FAM120A: variants seen among roughly 807,000 people sequenced by gnomAD.
FAM120A encodes the protein constitutive coactivator of PPAR-gamma-like protein 1.
Under a neutral mutation model 109.7 loss-of-function variants are expected in FAM120A, and 15 were observed. The ratio of observed to expected loss-of-function variants is 0.14; its 90% confidence interval spans 0.09 to 0.21. The LOEUF (loss-of-function observed/expected upper bound fraction) is 0.21, where lower values mean the gene tolerates loss of function less well. FAM120A is among the 10% of genes least tolerant of loss of function. The pLI is 1.00. For synonymous variants in FAM120A, 493 were observed against 572.8 expected (o/e 0.86, Z 1.99); for missense variants, 899 against 1,439.3 (o/e 0.62, Z 6.07).
chr9:93,453,687 G>A, intron 1 of FAM120A: 1 of 939,796 alleles, frequency 1.1e-6, no homozygotes, highest in Non-Finnish European at 1.3e-6. Context: ...CCCTGCGCCT[G>A]GCAGACACAC....
At chr9:93,525,422 G>A (rs912124557) in intron 7 of FAM120A, among the ~76,000 whole-genome samples, 1 of 152,142 alleles carries the variant, frequency 6.6e-6, no homozygotes, top group Non-Finnish European at 1.5e-5. Flanking sequence ...ACACTCTAGG[G>A]ACAGATACCC....
At chr9:93,453,364 C>T (rs1857377610) in intron 1 of FAM120A, 2 of 985,432 alleles carry the variant, frequency 2.0e-6, no homozygotes, top group Non-Finnish European at 1.2e-6. Context: ...AAGATAAGCA[C>T]ATCCATGATC....
Position 93,558,675 on chromosome 9 carries a change from C to G in FAM120A, c.2763C>G (p.Ala921=). Residue 921 remains alanine (A), a synonymous_variant, in exon 15 of 18, where the codon GCC becomes GCG. Transcript: ENST00000277165. The part of the protein sequence containing the change: ...RVAAASGHCG[A]FSGSDSSRTS... Reference sequence around the variant, plus strand: ...CGGCAGCATCGGGACACTGCGGAGCCTTCTCAGGCAGTGACAGCAGCAGGA... The same window carrying G: ...CGGCAGCATCGGGACACTGCGGAGCGTTCTCAGGCAGTGACAGCAGCAGGA... The G allele has an allele frequency of 6.2e-7, 1 of 1,614,160 alleles. No individual in the cohort carries two copies. The highest frequency in any genetic ancestry group is 1.1e-5 in the South Asian group (1 of 91,088).
chr9:93,531,154 A>G (rs905386954), intron 9 of FAM120A: 1 of 152,256 alleles, frequency 6.6e-6, no homozygotes, highest in Non-Finnish European at 1.5e-5. Context: ...GAATTTGCAA[A>G]GCATCATATT....
Position 93,550,614 on chromosome 9 carries a change from C to T in FAM120A, c.2197C>T (p.Arg733Cys), listed in dbSNP as rs1220302608. 6.2e-7 allele frequency: 1 copy of T among 1,613,926 alleles called. No individual in the cohort carries two copies. Among genetic ancestry groups the T allele is most frequent in the Non-Finnish European group, 8.5e-7 (1 of 1,180,010 alleles). Residue 733 changes from arginine (R) to cysteine (C), a missense_variant, in exon 12 of 18, where the codon CGT becomes TGT. Arg to Cys is a radical substitution (Grantham distance 180). Around this residue, in one of 11 missense-constraint regions of FAM120A, gnomAD observed 133 missense variants for 276.6 expected, o/e 0.48. Transcript: ENST00000277165. The stretch of plus-strand genomic sequence containing the variant: ...GTGGCCGGGAGCACGCATCCTTCGG[C>T]GTCAGGAGCTAGATGCCTTCCTGGC... ...VQWPGARILR[R>C]QELDAFLAQA...
intron 3 of FAM120A, among the ~76,000 whole-genome samples, chr9:93,495,347 G>A (rs760694213): frequency 1.3e-5 from 2 of 152,194 alleles, no homozygotes; most frequent in Non-Finnish European, 2.9e-5. Flanking sequence ...CAAAATAACA[G>A]TAACCTAATA....
intron 13 of FAM120A, 51 bp downstream of exon 13, chr9:93,556,642 A>C (rs1862290976): frequency 2.0e-6 from 3 of 1,522,382 alleles, no homozygotes; most frequent in South Asian, 1.1e-5. Flanking sequence ...AATAAAGCTC[A>C]CTGGTTAAAT....
chr9:93,565,697 A>G lies in FAM120A; in HGVS notation c.*1157A>G, dbSNP rs1366306140. On this transcript the variant is annotated 3_prime_UTR_variant, in exon 18 of 18. Transcript: ENST00000277165. ...GTGAAAAAAAACCCTTTGATCTTAAAAAAAAAAAAACCACCCCCCCCTTCT... is the reference window on the plus strand; with the variant it reads ...GTGAAAAAAAACCCTTTGATCTTAAGAAAAAAAAAACCACCCCCCCCTTCT... The G allele has an allele frequency of 6.6e-6, 1 of 151,862 alleles. No individual in the cohort carries two copies. The highest frequency in any genetic ancestry group is 2.4e-5 in the African/African-American group (1 of 41,256). 9.4% of individuals were successfully genotyped at this position (151,862 alleles called of 1,614,324 possible). A position where few individuals can be genotyped will look rare whatever the true frequency, so the allele number is the denominator to read the frequency against.
At chr9:93,545,846 T>C (rs1488548054) in intron 11 of FAM120A, among the ~76,000 whole-genome samples, 1 of 141,188 alleles carries the variant, frequency 7.1e-6, no homozygotes, top group African/African-American at 2.7e-5. Flanking sequence ...AGTGCAATGG[T>C]GTGATCATGG....
chr9:93,479,209 C>T (rs1344333529), intron 3 of FAM120A, among the ~76,000 whole-genome samples: 1 of 149,074 alleles, frequency 6.7e-6, no homozygotes, highest in Non-Finnish European at 1.5e-5. Context: ...TGCCATTCTC[C>T]TGCCTCAGCC....
chr9:93,522,641 G>GT (rs1274759511), intron 7 of FAM120A, among the ~76,000 whole-genome samples: 1 of 152,146 alleles, frequency 6.6e-6, no homozygotes, highest in African/African-American at 2.4e-5. Context: ...AGAAGACTGA[G>GT]TTTTTTTCCA....
At chr9:93,476,485 T>TA in intron 3 of FAM120A, 147 bp downstream of exon 3, 1 of 596,720 alleles carries the variant, frequency 1.7e-6, no homozygotes, top group Non-Finnish European at 3.0e-6. Flanking sequence ...TGCACTGCCT[T>TA]AAAAAGCAAG....
At chr9:93,523,261 G>A in intron 7 of FAM120A, 1 of 1,268,136 alleles carries the variant, frequency 7.9e-7, no homozygotes, top group Non-Finnish European at 1.0e-6. Context: ...GGTGTTGAAT[G>A]TTTTTCTTGT....
At chr9:93,494,206 G>A (rs1003372272) in intron 3 of FAM120A, among the ~76,000 whole-genome samples, 23 of 152,250 alleles carry the variant, frequency 1.5e-4, no homozygotes, top group African/African-American at 5.5e-4. Flanking sequence ...CTCGCCAATC[G>A]GACTTTGGAT....
rs1861371736 is a variant in FAM120A at position 93,532,628 on chromosome 9, T to TTG, written c.1909+299_1909+300insTG. The TTG allele has an allele frequency of 2.8e-6, 1 of 360,682 alleles. No homozygotes were observed. Among genetic ancestry groups the TTG allele is most frequent in the Non-Finnish European group, 5.2e-6 (1 of 191,066 alleles). The allele number at this position is 360,682 out of a possible 1,614,324, so 22.3% of individuals were successfully genotyped here. A position where few individuals can be genotyped will look rare whatever the true frequency, so the allele number is the denominator to read the frequency against. On this transcript the variant is annotated intron_variant, in intron 10 of 17. Transcript: ENST00000277165. This position sits in a 1 kb window ranked among gnomAD's most constrained non-coding sequence, Gnocchi z 4.3. ...GCAGACTTGAATTGCCGCCACTCTC[T>TTG]GTAATTACCACGTCTTGGTAATCAG...
At chr9:93,508,046 T>G (rs1422911856) in intron 5 of FAM120A, among the ~76,000 whole-genome samples, 1 of 151,996 alleles carries the variant, frequency 6.6e-6, no homozygotes, top group African/African-American at 2.4e-5. Context: ...TTGGTGCACA[T>G]GTGGTTTTAC....
chr9:93,546,316 A>G (rs940045321), intron 11 of FAM120A, among the ~76,000 whole-genome samples: 1 of 152,180 alleles, frequency 6.6e-6, no homozygotes, highest in Admixed American at 6.5e-5. Flanking sequence ...ACAGGCCACC[A>G]TATACTTGAC....
At chr9:93,468,396 T>C (rs1197462727) in intron 1 of FAM120A, among the ~76,000 whole-genome samples, 2 of 152,234 alleles carry the variant, frequency 1.3e-5, no homozygotes, top group Non-Finnish European at 2.9e-5. Context: ...CCCCTTGTCC[T>C]GTTGGAGAGA....
chr9:93,505,962 A>G (rs574903138), intron 5 of FAM120A, among the ~76,000 whole-genome samples: 1 of 152,120 alleles, frequency 6.6e-6, no homozygotes, highest in Non-Finnish European at 1.5e-5. Flanking sequence ...AGTATTGTCC[A>G]CTGAGAATGC....
Sources: allele counts gnomAD v4.1 joint callset (sites outside exome capture counted in the v4.1 genomes callset), GRCh38; gene constraint gnomAD v4.1.1; regional missense constraint gnomAD v4.1.1; non-coding constraint Gnocchi (gnomAD v3.1); transcripts MANE v1.5; gene names NCBI Gene and HGNC (gene_info 2026-07-23, HGNC 2026-07-21).